Variants in DDX4 observed in about 807,000 individuals in gnomAD.
DDX4 encodes DEAD-box helicase 4, also known as probable ATP-dependent RNA helicase DDX4.
A neutral mutation model predicts 100.0 loss-of-function variants in DDX4; 25 were observed. That is an observed-to-expected ratio of 0.25 (90% CI 0.18 to 0.35). DDX4 has a LOEUF of 0.35. DDX4 is among the 10% of genes least tolerant of loss of function. The pLI is 1.00. For synonymous variants in DDX4, 259 were observed against 275.7 expected (o/e 0.94, Z 0.60); for missense variants, 635 against 882.4 (o/e 0.72, Z 3.55).
intron 15 of DDX4, 132 bp from the exon 16 acceptor site, chr5:55,790,430 GCCACTGCACCCAGC>G: frequency 1.6e-6 from 1 of 612,624 alleles, no homozygotes; most frequent in South Asian, 2.0e-5. Context: ...ACAGGCGTGA[GCCACTGCACCCAGC>G]CAGAATTTAA....
intron 8 of DDX4, among the ~76,000 whole-genome samples, chr5:55,780,454 T>G (rs556638448): frequency 9.9e-4 from 150 of 152,282 alleles, no homozygotes; most frequent in African/African-American, 3.6e-3. Flanking sequence ...TTTTTAGAGA[T>G]AAGGTACTGA....
chr5:55,790,759 G>A, intron 16 of DDX4, 54 bp downstream of exon 16: 1 of 1,542,008 alleles, frequency 6.5e-7, no homozygotes, highest in Admixed American at 1.7e-5. Flanking sequence ...TGTTTGGTAT[G>A]GGAAAAGGAA....
At chr5:55,770,093 C>T (rs1485911371) in intron 7 of DDX4, among the ~76,000 whole-genome samples, 1 of 152,100 alleles carries the variant, frequency 6.6e-6, no homozygotes, top group Non-Finnish European at 1.5e-5. Flanking sequence ...GTCTGGAACT[C>T]CTGACCCTCA....
intron 8 of DDX4, 143 bp from the exon 9 acceptor site, chr5:55,780,923 C>G: frequency 1.7e-6 from 1 of 580,072 alleles, no homozygotes; most frequent in Non-Finnish European, 2.9e-6. Context: ...AATAGTTTAA[C>G]TTAGTTTAAT....
chr5:55,797,339 A>G lies in DDX4; in HGVS notation c.1470-1087A>G, dbSNP rs932689954. Among the ~76,000 whole-genome samples the G allele has an allele frequency of 3.3e-5, 5 of 152,166 alleles. No individual in the cohort carries two copies. In the East Asian group the frequency reaches 9.6e-4, roughly 29 times the overall value. ...TGAAGTGAGGATCTCATAGGCTAACACCATCATGTTCATCTTTGTACTCCC... is the reference window on the plus strand; with the variant it reads ...TGAAGTGAGGATCTCATAGGCTAACGCCATCATGTTCATCTTTGTACTCCC... On this transcript the variant is annotated intron_variant, in intron 17 of 21. Coordinates refer to ENST00000505374, the MANE Select transcript of DDX4 (RefSeq NM_024415.3).
chr5:55,740,739 C>G (rs1473416193), intron 2 of DDX4, among the ~76,000 whole-genome samples: 1 of 147,674 alleles, frequency 6.8e-6, no homozygotes, highest in Non-Finnish European at 1.5e-5. Context: ...AGGCTGGTCT[C>G]AAACTCCTGA....
intron 18 of DDX4, among the ~76,000 whole-genome samples, chr5:55,812,337 G>A (rs1319241874): frequency 2.0e-5 from 3 of 152,128 alleles, no homozygotes; most frequent in Non-Finnish European, 4.4e-5. Context: ...CGAGGCGGGC[G>A]GATCACGAGG....
intron 6 of DDX4, chr5:55,766,949 T>C: frequency 6.6e-7 from 1 of 1,523,070 alleles, no homozygotes; most frequent in South Asian, 1.2e-5. Context: ...AGGAATTTAT[T>C]TTTAACCAAC....
rs1448052664 is a variant in DDX4 at position 55,761,525 on chromosome 5, T to C, written c.205+1248T>C. Among the ~76,000 whole-genome samples the C allele has an allele frequency of 2.3e-5, 3 of 129,458 alleles. No individual in the cohort carries two copies. In the East Asian group the frequency reaches 7.0e-4, roughly 30 times the overall value. The allele number at this position is 129,458 out of a possible 152,430, so 84.9% of individuals were successfully genotyped here. On this transcript the variant is annotated intron_variant, in intron 4 of 21. Coordinates refer to ENST00000505374, the MANE Select transcript of DDX4 (RefSeq NM_024415.3). ...TTGTTAATACTTTAAACAATTAGCTTTATATTACCTGGGACATTGTAGACC... is the reference window on the plus strand; with the variant it reads ...TTGTTAATACTTTAAACAATTAGCTCTATATTACCTGGGACATTGTAGACC...
intron 3 of DDX4, among the ~76,000 whole-genome samples, chr5:55,752,318 T>A (rs1759613656): frequency 7.2e-6 from 1 of 139,528 alleles, no homozygotes; most frequent in Non-Finnish European, 1.5e-5. Context: ...TATCTCCCAA[T>A]GCTATCCCTC....
At chr5:55,789,422 C>T (rs1183462486) in intron 15 of DDX4, among the ~76,000 whole-genome samples, 2 of 152,148 alleles carry the variant, frequency 1.3e-5, no homozygotes, top group South Asian at 2.1e-4. Flanking sequence ...GACAAGATGT[C>T]AAGGCAGTCA....
chr5:55,787,592 G>A (rs922935628), intron 14 of DDX4, among the ~76,000 whole-genome samples: 2 of 151,954 alleles, frequency 1.3e-5, no homozygotes, highest in African/African-American at 4.8e-5. Context: ...AGAATTCGTG[G>A]GTATGCTTTT....
intron 18 of DDX4, among the ~76,000 whole-genome samples, chr5:55,800,613 T>G (rs945408917): frequency 6.6e-6 from 1 of 152,298 alleles, no homozygotes; most frequent in East Asian, 1.9e-4. Flanking sequence ...CATGAGCCAC[T>G]GTGCCCGGCC....
chr5:55,738,853 G>A, intron 1 of DDX4, 97 bp from the exon 2 acceptor site: 1 of 782,346 alleles, frequency 1.3e-6, no homozygotes, highest in Non-Finnish European at 2.2e-6. Flanking sequence ...TAGTTGGGTA[G>A]TTTCAAGATG....
At chr5:55,741,155 A>G (rs575060425) in intron 2 of DDX4, among the ~76,000 whole-genome samples, 1 of 152,280 alleles carries the variant, frequency 6.6e-6, no homozygotes, top group South Asian at 2.1e-4. Flanking sequence ...TGAAGTGTTT[A>G]AGCAGCACAC....
chr5:55,766,214 TCACTTATTTTTTA>T (rs764684939), intron 6 of DDX4, among the ~76,000 whole-genome samples: 6 of 152,086 alleles, frequency 3.9e-5, no homozygotes, highest in Non-Finnish European at 8.8e-5. Context: ...TGTATAGAGA[TCACTTATTTTTTA>T]AAGTAATTTT....
intron 18 of DDX4, among the ~76,000 whole-genome samples, chr5:55,799,082 T>G (rs923522317): frequency 6.6e-6 from 1 of 152,196 alleles, no homozygotes; most frequent in South Asian, 2.1e-4. Context: ...TTTTATTATC[T>G]TTTTAGAGAT....
At chr5:55,782,320 T>C (rs1410809183) in intron 10 of DDX4, 7 of 209,264 alleles carry the variant, frequency 3.3e-5, no homozygotes, top group Non-Finnish European at 6.8e-5. Flanking sequence ...AAAAACTGTT[T>C]AAGTCCGGGT....
chr5:55,739,370 G>A (rs571733566), intron 2 of DDX4, among the ~76,000 whole-genome samples: 32 of 152,280 alleles, frequency 2.1e-4, no homozygotes, highest in African/African-American at 7.5e-4. Context: ...CAATAATTAC[G>A]TTTTGGGAGA....
Sources: gnomAD v4.1 joint callset for allele counts (sites outside exome capture counted in the v4.1 genomes callset) on GRCh38, gnomAD v4.1.1 for gene constraint, MANE v1.5 for transcripts, NCBI Gene and HGNC (gene_info 2026-07-23, HGNC 2026-07-21) for gene names.